The following ATRNL1 variants were observed in gnomAD, a reference collection of about 807,000 sequenced individuals.
ATRNL1 encodes attractin like 1, also known as attractin-like protein 1.
In ATRNL1, 95 loss-of-function variants were observed where a neutral mutation model predicts 182.7. That is an observed-to-expected ratio of 0.52 (90% CI 0.44 to 0.62). The LOEUF (loss-of-function observed/expected upper bound fraction) is 0.62, where lower values mean the gene tolerates loss of function less well. Ranked by LOEUF, ATRNL1 falls within the 20% of genes least tolerant of loss-of-function variation. ATRNL1 has a pLI of 0.00. For synonymous variants in ATRNL1, 576 were observed against 568.3 expected (o/e 1.01, Z -0.19); for missense variants, 1,471 against 1,679.5 (o/e 0.88, Z 2.17).
intron 6 of ATRNL1, among the ~76,000 whole-genome samples, chr10:115,165,034 T>C (rs782792708): frequency 6.6e-6 from 1 of 152,076 alleles, no homozygotes; most frequent in African/African-American, 2.4e-5. Flanking sequence ...TCTAATTACC[T>C]TGATTTGATC....
intron 21 of ATRNL1, among the ~76,000 whole-genome samples, chr10:115,441,615 C>A (rs537368684): frequency 6.6e-6 from 1 of 151,818 alleles, no homozygotes; most frequent in African/African-American, 2.4e-5. Context: ...GATCACTTTT[C>A]TGAGCTGCAA....
Position 115,847,958 on chromosome 10 carries a change from G to A in ATRNL1, c.3985G>A (p.Gly1329Arg). Residue 1329 changes from glycine (G) to arginine (R), a missense_variant, in exon 28 of 29, where the codon GGA becomes AGA. Gly to Arg is a moderately radical substitution (Grantham distance 125). Around this residue, in one of 3 missense-constraint regions of ATRNL1, gnomAD observed 437 missense variants for 506.0 expected, o/e 0.86. Transcript: ENST00000355044. ...VLTVFLCLPR[G>R]SSGAPPPGQS... ...GACTGTGTTTCTTTGTCTACCACGA[G>A]GATCATCAGGTGCCCCTCCCCCTGG... 6.2e-7 allele frequency: 1 copy of A among 1,611,772 alleles called. No individual in the cohort carries two copies. The highest frequency in any genetic ancestry group is 8.5e-7 in the Non-Finnish European group (1 of 1,178,196).
intron 28 of ATRNL1, among the ~76,000 whole-genome samples, chr10:115,933,073 C>T (rs954118328): frequency 1.3e-5 from 2 of 152,210 alleles, no homozygotes; most frequent in Non-Finnish European, 2.9e-5. Context: ...GAAAGGTGAA[C>T]AGATTCTTCC....
chr10:115,730,893 AG>A (rs1380785772), intron 27 of ATRNL1, among the ~76,000 whole-genome samples: 9 of 152,178 alleles, frequency 5.9e-5, no homozygotes, highest in African/African-American at 2.2e-4. Flanking sequence ...GAGCAAGGAG[AG>A]CCAGTCCAAG....
intron 27 of ATRNL1, among the ~76,000 whole-genome samples, chr10:115,809,707 G>A (rs1442269871): frequency 1.3e-5 from 2 of 151,470 alleles, no homozygotes; most frequent in Non-Finnish European, 3.0e-5. Flanking sequence ...GATTCCTTAG[G>A]GTTTCCTATG....
At position 115,187,134 on chromosome 10, in the gene ATRNL1, G is replaced by A. The variant is rs564589097; in HGVS notation, c.1348+15842G>A. 5.3e-5 allele frequency among the ~76,000 whole-genome samples: 8 copies of A among 151,800 alleles called. No individual in the cohort carries two copies. In the East Asian group the frequency reaches 1.4e-3, roughly 26 times the overall value. ...AAAGATAACAAGTATTGGTGAGGATGTGGAAAAGAGGGAGTACTTGTACAC... is the reference window on the plus strand; with the variant it reads ...AAAGATAACAAGTATTGGTGAGGATATGGAAAAGAGGGAGTACTTGTACAC... On this transcript the variant is annotated intron_variant, in intron 8 of 28. Transcript: ENST00000355044.
At chr10:115,798,784 T>C (rs2134229539) in intron 27 of ATRNL1, among the ~76,000 whole-genome samples, 1 of 152,232 alleles carries the variant, frequency 6.6e-6, no homozygotes, top group South Asian at 2.1e-4. Context: ...TATCTCTCTG[T>C]CCACCAAGTA....
At chr10:115,698,708 G>A (rs1252636207) in intron 26 of ATRNL1, among the ~76,000 whole-genome samples, 2 of 151,934 alleles carry the variant, frequency 1.3e-5, no homozygotes, top group African/African-American at 2.4e-5. Context: ...AACCTGCGAG[G>A]CAGAGGTTGC....
chr10:115,184,660 T>C (rs1424462967), intron 8 of ATRNL1, among the ~76,000 whole-genome samples: 1 of 151,748 alleles, frequency 6.6e-6, no homozygotes, highest in Non-Finnish European at 1.5e-5. Context: ...TTTAAAAAAA[T>C]AGTCTTGACT....
At chr10:115,706,889 A>G (rs144583085) in intron 26 of ATRNL1, among the ~76,000 whole-genome samples, 2,224 of 152,004 alleles carry the variant, frequency 0.015, 33 homozygotes, top group Non-Finnish European at 0.02. Flanking sequence ...TTACTTCCTT[A>G]TCTAGCTAAC....
At chr10:115,200,321 C>T (rs1333233301) in intron 8 of ATRNL1, among the ~76,000 whole-genome samples, 3 of 144,796 alleles carry the variant, frequency 2.1e-5, no homozygotes, top group South Asian at 2.2e-4. Context: ...TGGTGTGCTG[C>T]ACCCATTAAC....
At chr10:115,530,967 T>A (rs1554988085) in intron 25 of ATRNL1, among the ~76,000 whole-genome samples, 1 of 152,118 alleles carries the variant, frequency 6.6e-6, no homozygotes, top group African/African-American at 2.4e-5. Flanking sequence ...CTCATCATTT[T>A]TATGGCTGCA....
intron 20 of ATRNL1, among the ~76,000 whole-genome samples, chr10:115,400,431 G>A (rs1358298560): frequency 1.3e-5 from 2 of 152,058 alleles, no homozygotes; most frequent in Non-Finnish European, 2.9e-5. Context: ...CTTTTTGAGT[G>A]GAGAGTTCTG....
chr10:115,786,125 A>T (rs192790271), intron 27 of ATRNL1, among the ~76,000 whole-genome samples: 2 of 152,070 alleles, frequency 1.3e-5, no homozygotes, highest in East Asian at 1.9e-4. Flanking sequence ...CACCTTTAAC[A>T]TTTATATTTC....
intron 19 of ATRNL1, among the ~76,000 whole-genome samples, chr10:115,344,024 GA>G (rs1855866959): frequency 6.6e-6 from 1 of 152,146 alleles, no homozygotes; most frequent in Non-Finnish European, 1.5e-5. Context: ...GCTGGGGGTG[GA>G]GTGACAAAAG....
chr10:115,418,012 G>C (rs560421271), intron 20 of ATRNL1, among the ~76,000 whole-genome samples: 1 of 152,186 alleles, frequency 6.6e-6, no homozygotes, highest in Non-Finnish European at 1.5e-5. Flanking sequence ...ACACATTGTT[G>C]CATGTCCATA....
intron 27 of ATRNL1, among the ~76,000 whole-genome samples, chr10:115,731,531 G>A (rs566874557): frequency 3.3e-5 from 5 of 151,438 alleles, no homozygotes; most frequent in South Asian, 4.2e-4. Context: ...GTAAATTCTC[G>A]TTTAGGAAAG....
chr10:115,467,458 G>C (rs1283666050), intron 23 of ATRNL1, among the ~76,000 whole-genome samples: 4 of 150,856 alleles, frequency 2.7e-5, no homozygotes, highest in African/African-American at 9.7e-5. Context: ...ATTAAAATTA[G>C]ATTGGTAACA....
intron 24 of ATRNL1, among the ~76,000 whole-genome samples, chr10:115,518,448 A>T (rs975233826): frequency 6.6e-6 from 1 of 152,018 alleles, no homozygotes; most frequent in African/African-American, 2.4e-5. Flanking sequence ...TCTCATTTAT[A>T]CATGATACAA....
Sources: allele counts gnomAD v4.1 joint callset (sites outside exome capture counted in the v4.1 genomes callset), GRCh38; gene constraint gnomAD v4.1.1; regional missense constraint gnomAD v4.1.1; transcripts MANE v1.5; gene names NCBI Gene and HGNC (gene_info 2026-07-23, HGNC 2026-07-21).